The following SHLD2 variants were observed in gnomAD, a reference collection of about 807,000 sequenced individuals.
SHLD2 encodes the protein shieldin complex subunit 2, also known as RINN1-REV7-interacting novel NHEJ regulator 2.
SHLD2 carries 30 observed loss-of-function variants against 73.2 expected under a neutral mutation model. The ratio of observed to expected loss-of-function variants is 0.41; its 90% CI spans 0.31 to 0.56. The LOEUF (loss-of-function observed/expected upper bound fraction) is 0.56, where lower values mean the gene tolerates loss of function less well. SHLD2 is among the 20% of genes least tolerant of loss of function. SHLD2 has a pLI of 0.28. For missense variants in SHLD2, 745 were observed against 1,055.9 expected, an observed-to-expected ratio of 0.71 and a Z score of 4.08; for synonymous variants, 285 against 370.1, an observed-to-expected ratio of 0.77 and a Z score of 2.64.
chr10:87,149,255 C>T (rs1845847546), intron 2 of SHLD2, among the ~76,000 whole-genome samples: 1 of 151,632 alleles, frequency 6.6e-6, no homozygotes, highest in Admixed American at 6.6e-5. Context: ...GTATTTTGAA[C>T]TTGAAGGCTT....
intron 6 of SHLD2, among the ~76,000 whole-genome samples, chr10:87,172,578 C>T (rs1240072529): frequency 2.0e-5 from 3 of 151,972 alleles, no homozygotes; most frequent in African/African-American, 4.8e-5. Flanking sequence ...TGTGGTGGCT[C>T]ACTCCTGTTA....
chr10:87,133,514 A>C (rs529292529), intron 2 of SHLD2, among the ~76,000 whole-genome samples: 1 of 152,318 alleles, frequency 6.6e-6, no homozygotes, highest in African/African-American at 2.4e-5. Flanking sequence ...ATTTTCAAAA[A>C]AAGATGAGTA....
intron 3 of SHLD2, among the ~76,000 whole-genome samples, chr10:87,155,732 G>GT (rs1442499952): frequency 2.0e-5 from 3 of 151,898 alleles, no homozygotes; most frequent in African/African-American, 7.3e-5. Context: ...TGCAATCTCT[G>GT]TATTTTTTCC....
chr10:87,113,782 G>C lies in SHLD2; in HGVS notation c.-6+16793G>C, dbSNP rs185282353. Reference sequence around the variant, plus strand: ...AGGCTTTGGGAGGCCGAGGCGAGTGGATCACTTGAGGCCAGGAGTTCGAGA... The same window carrying C: ...AGGCTTTGGGAGGCCGAGGCGAGTGCATCACTTGAGGCCAGGAGTTCGAGA... On this transcript the variant is annotated intron_variant, in intron 2 of 9. Transcript: ENST00000298786. 7.7e-3 allele frequency among the ~76,000 whole-genome samples: 1,168 copies of C among 152,294 alleles called. 17 individuals are homozygous for C. Among genetic ancestry groups the C allele is most frequent in the African/African-American group, 0.027 (1,123 of 41,554 alleles).
chr10:87,112,930 GTCC>G (rs1843020825), intron 2 of SHLD2, among the ~76,000 whole-genome samples: 1 of 152,130 alleles, frequency 6.6e-6, no homozygotes, highest in Non-Finnish European at 1.5e-5. Flanking sequence ...GACTACATAT[GTCC>G]ATACAAATAC....
At chr10:87,127,399 G>T (rs987635145) in intron 2 of SHLD2, among the ~76,000 whole-genome samples, 131 of 151,370 alleles carry the variant, frequency 8.7e-4, no homozygotes, top group African/African-American at 2.9e-3. Context: ...CTACTGAGTA[G>T]TTTTTAGGTA....
At chr10:87,161,713 C>G (rs1439055522) in intron 4 of SHLD2, among the ~76,000 whole-genome samples, 4 of 152,102 alleles carry the variant, frequency 2.6e-5, no homozygotes, top group South Asian at 4.1e-4. Flanking sequence ...TATGTAAATT[C>G]AATGTAGTTC....
Position 87,151,407 on chromosome 10 carries a change from T to G in SHLD2, c.53T>G (p.Leu18Arg). The change falls in exon 3 of 10, where the codon CTG becomes CGG. Residue 18 changes from leucine (L) to arginine (R), a missense_variant. By Grantham distance (102) the Leu-to-Arg change is moderately radical. Around this residue, in one of 5 missense-constraint regions of SHLD2, gnomAD observed 280 missense variants for 353.9 expected, o/e 0.79. Transcript: ENST00000298786. The part of the protein sequence containing the change: ...HIFWGAPIAP[L>R]KITVSEDTAS... Reference sequence around the variant, plus strand: ...TTTTGGGGTGCTCCAATTGCTCCACTGAAAATCACAGTATCAGAAGACACA... The same window carrying G: ...TTTTGGGGTGCTCCAATTGCTCCACGGAAAATCACAGTATCAGAAGACACA... 6.3e-7 allele frequency: 1 copy of G among 1,597,142 alleles called. No homozygotes were observed. The highest frequency in any genetic ancestry group is 2.2e-5 in the East Asian group (1 of 44,758).
intron 2 of SHLD2, among the ~76,000 whole-genome samples, chr10:87,136,582 C>T (rs545042846): frequency 6.6e-6 from 1 of 152,106 alleles, no homozygotes; most frequent in South Asian, 2.1e-4. Context: ...CTATATGTAT[C>T]CATCTGTATC....
intron 1 of SHLD2, among the ~76,000 whole-genome samples, chr10:87,096,192 G>A (rs1389625202): frequency 2.6e-5 from 4 of 151,918 alleles, no homozygotes; most frequent in Admixed American, 1.3e-4. Flanking sequence ...TTACAGGCCC[G>A]CGCCACCACG....
chr10:87,147,076 A>AAAAACAAACAAACAAAC (rs1649926732), intron 2 of SHLD2, among the ~76,000 whole-genome samples: 1 of 140,984 alleles, frequency 7.1e-6, no homozygotes, highest in Admixed American at 8.4e-5. Flanking sequence ...AAAAAAGAAA[A>AAAAACAAACAAACAAAC]AAAAAAAAAA....
At position 87,119,433 on chromosome 10, in the gene SHLD2, A is replaced by G. The variant is rs867463914; in HGVS notation, c.-6+22444A>G. ...CTAGAACATGTGAAGTATCTTTTCC[A>G]AAGTGGTTTTCTCCATCTGTCAGTA... On this transcript the variant is annotated intron_variant, in intron 2 of 9. Coordinates refer to ENST00000298786, the MANE Select transcript of SHLD2 (RefSeq NM_001330112.2). 2.2e-3 allele frequency among the ~76,000 whole-genome samples: 329 copies of G among 152,006 alleles called. 1 individual carries two copies. Among genetic ancestry groups the G allele is most frequent in the African/African-American group, 6.0e-3 (248 of 41,478 alleles).
intron 2 of SHLD2, among the ~76,000 whole-genome samples, chr10:87,111,445 A>AGTCTG (rs1229508500): frequency 6.6e-6 from 1 of 151,730 alleles, no homozygotes; most frequent in East Asian, 2.0e-4. Context: ...GTTCGAGACC[A>AGTCTG]GTCTGGCCAA....
rs1377624051 is a variant in SHLD2, at chr10:87,118,558, T to TA, written c.-6+21573dup. ...CCACCACACATTACATTTGAGTTAC[T>TA]AAAACAGTTTATAATCCAAATAGCT... is the stretch of plus-strand genomic sequence containing the variant. On this transcript the variant is annotated intron_variant, in intron 2 of 9. Coordinates refer to ENST00000298786, the MANE Select transcript of SHLD2 (RefSeq NM_001330112.2). 8.9e-5 allele frequency among the ~76,000 whole-genome samples: 13 copies of TA among 146,346 alleles called. No homozygotes were observed. The South Asian group carries it at 2.2e-3, about 25-fold the overall frequency.
chr10:87,154,974 A>C (rs1398286300), intron 3 of SHLD2, among the ~76,000 whole-genome samples: 2 of 152,150 alleles, frequency 1.3e-5, no homozygotes, highest in Non-Finnish European at 2.9e-5. Context: ...TGGCTCTGGC[A>C]CCCAGGCTGG....
In SHLD2 at chr10:87,151,923, G is replaced by T; in HGVS notation, c.569G>T (p.Gly190Val). The change falls in exon 3 of 10, where the codon GGG becomes GTG. Residue 190 changes from glycine to valine, a missense_variant. Physicochemically the swap from Gly to Val is moderately radical, Grantham distance 109. Around this residue, in one of 5 missense-constraint regions of SHLD2, gnomAD observed 280 missense variants for 353.9 expected, o/e 0.79. Transcript: ENST00000298786. Reference sequence around the variant, plus strand: ...TGTAGTACTGAAAAAATTAATATAGGGCCTGAAGTGGTACAAAGAGAGTGT... The same window carrying T: ...TGTAGTACTGAAAAAATTAATATAGTGCCTGAAGTGGTACAAAGAGAGTGT... ...LVCSTEKINIGPEVVQRECVP... is the reference protein window; with the variant it reads ...LVCSTEKINIVPEVVQRECVP... 1 of 1,610,986 alleles carries T rather than the reference G, an allele frequency of 6.2e-7. No individual in the cohort carries two copies. Among genetic ancestry groups the T allele is most frequent in the Non-Finnish European group, 8.5e-7 (1 of 1,179,158 alleles).
chr10:87,144,310 C>T (rs992354784), intron 2 of SHLD2, among the ~76,000 whole-genome samples: 11 of 152,270 alleles, frequency 7.2e-5, no homozygotes, highest in Non-Finnish European at 1.5e-4. Context: ...ATAAGAGAGG[C>T]TCACCCGCAC....
At chr10:87,123,495 G>A (rs996890244) in intron 2 of SHLD2, among the ~76,000 whole-genome samples, 2 of 151,890 alleles carry the variant, frequency 1.3e-5, no homozygotes, top group African/African-American at 4.8e-5. Flanking sequence ...TGGCCAGGCT[G>A]GTGTACTGTT....
At chr10:87,137,492 G>A (rs556374911) in intron 2 of SHLD2, among the ~76,000 whole-genome samples, 9 of 152,142 alleles carry the variant, frequency 5.9e-5, no homozygotes, top group African/African-American at 2.2e-4. Flanking sequence ...AAGAATCAGT[G>A]AATATGAAGA....
Sources: gnomAD v4.1 joint callset for allele counts (sites outside exome capture counted in the v4.1 genomes callset) on GRCh38, gnomAD v4.1.1 for gene constraint, gnomAD v4.1.1 regional missense constraint, MANE v1.5 for transcripts, NCBI Gene and HGNC (gene_info 2026-07-23, HGNC 2026-07-21) for gene names.